The following CSRNP3 variants were observed in gnomAD, a reference collection of about 807,000 sequenced individuals.
CSRNP3 encodes cysteine and serine rich nuclear protein 3.
Under a neutral mutation model 48.0 loss-of-function variants are expected in CSRNP3, and 12 were observed. The observed-to-expected ratio is 0.25, with a 90% CI of 0.16 to 0.41. CSRNP3 has a LOEUF of 0.41. CSRNP3 is among the 10% of genes least tolerant of loss of function. CSRNP3 has a pLI of 1.00. For missense variants in CSRNP3, 580 were observed against 724.4 expected, an observed-to-expected ratio of 0.80 and a Z score of 2.29; for synonymous variants, 263 against 269.7, an observed-to-expected ratio of 0.98 and a Z score of 0.24.
Position 165,679,642 on chromosome 2 carries a change from T to C in CSRNP3, c.1647T>C (p.Gly549=). The C allele has an allele frequency of 6.2e-7, 1 of 1,614,152 alleles. No homozygotes were observed. The change falls in exon 7 of 7, where the codon GGT becomes GGC. Residue 549 remains glycine (G), a synonymous_variant. Transcript: ENST00000651982. ...AAGGGTTTGTCTCTGCATTGAATGG[T>C]GACAGTCACATTTCAGAGCATCCTG... is the stretch of plus-strand genomic sequence containing the variant. The part of the protein sequence containing the change: ...SQEGFVSALN[G]DSHISEHPAE...
chr2:165,562,324 T>C (rs1685245019), intron 3 of CSRNP3, among the ~76,000 whole-genome samples: 2 of 152,192 alleles, frequency 1.3e-5, no homozygotes, highest in African/African-American at 4.8e-5. Context: ...ATAATGATGA[T>C]TGGTGCTTGA....
rs576286654 is a variant in CSRNP3, at chr2:165,474,538, C to T, written c.-283+4798C>T. On this transcript the variant is annotated intron_variant, in intron 1 of 6. Coordinates refer to ENST00000651982, the MANE Select transcript of CSRNP3 (RefSeq NM_001172173.2). ...TATTGCCCTAGAAACATGGGACTGC[C>T]GTGTAGAGAGAATTTCTTCCTGGAT... Among the ~76,000 whole-genome samples the T allele has an allele frequency of 5.9e-5, 9 of 152,056 alleles. No individual in the cohort carries two copies. The East Asian group carries it at 1.2e-3, about 20-fold the overall frequency.
intron 3 of CSRNP3, among the ~76,000 whole-genome samples, chr2:165,540,021 T>C (rs1474430266): frequency 6.6e-6 from 1 of 152,206 alleles, no homozygotes; most frequent in Admixed American, 6.5e-5. Flanking sequence ...ATGCCAGTAG[T>C]GATTGACCTG....
chr2:165,614,356 T>G (rs1686194643), intron 4 of CSRNP3, among the ~76,000 whole-genome samples: 2 of 152,224 alleles, frequency 1.3e-5, no homozygotes, highest in South Asian at 4.1e-4. Context: ...TTTTTCTACA[T>G]ATAAAATCAT....
intron 3 of CSRNP3, among the ~76,000 whole-genome samples, chr2:165,545,430 G>A (rs539588287): frequency 3.9e-5 from 6 of 152,092 alleles, no homozygotes; most frequent in East Asian, 1.9e-4. Context: ...CAGTGTCCCC[G>A]AGCAGGCAAG....
intron 3 of CSRNP3, among the ~76,000 whole-genome samples, chr2:165,555,036 C>G (rs1232303167): frequency 6.6e-6 from 1 of 152,074 alleles, no homozygotes; most frequent in African/African-American, 2.4e-5. Flanking sequence ...TTCTGGAATT[C>G]TCTCTACCCC....
intron 2 of CSRNP3, among the ~76,000 whole-genome samples, chr2:165,516,916 A>G (rs145777277): frequency 6.6e-6 from 1 of 152,218 alleles, no homozygotes; most frequent in East Asian, 1.9e-4. Context: ...TGTTTGTTCA[A>G]ATTACAGCAG....
chr2:165,611,432 A>AT (rs1686136742), intron 4 of CSRNP3, among the ~76,000 whole-genome samples: 1 of 152,038 alleles, frequency 6.6e-6, no homozygotes, highest in South Asian at 2.1e-4. Context: ...GTTGTACATG[A>AT]TAAATACACA....
chr2:165,631,501 C>T lies in CSRNP3; in HGVS notation c.149-26260C>T, dbSNP rs140202335. ...TTATTCCATTGATATTCTGTAAGCT[C>T]TTATGGATGCCTTTATAGCAGCCAA... On this transcript the variant is annotated intron_variant, in intron 4 of 6. Transcript: ENST00000651982. 1.5e-3 allele frequency among the ~76,000 whole-genome samples: 234 copies of T among 152,248 alleles called. 1 individual carries two copies. The highest frequency in any genetic ancestry group is 5.8e-3 in the South Asian group (28 of 4,818).
intron 4 of CSRNP3, among the ~76,000 whole-genome samples, chr2:165,625,022 G>A (rs1372741967): frequency 6.6e-6 from 1 of 152,174 alleles, no homozygotes; most frequent in Non-Finnish European, 1.5e-5. Flanking sequence ...TGTGTTTTTA[G>A]AGAAGTCATG....
chr2:165,655,389 T>C (rs1686985970), intron 4 of CSRNP3, among the ~76,000 whole-genome samples: 1 of 152,198 alleles, frequency 6.6e-6, no homozygotes, highest in South Asian at 2.1e-4. Flanking sequence ...TTCCTAACAA[T>C]TGGGACATGA....
intron 4 of CSRNP3, among the ~76,000 whole-genome samples, chr2:165,628,618 G>A (rs918412695): frequency 1.3e-5 from 2 of 152,132 alleles, no homozygotes; most frequent in African/African-American, 2.4e-5. Context: ...CAGCTACTCC[G>A]GAGGCTGAGG....
intron 2 of CSRNP3, among the ~76,000 whole-genome samples, chr2:165,512,691 A>G (rs766428388): frequency 2.0e-5 from 3 of 152,264 alleles, no homozygotes; most frequent in Admixed American, 6.5e-5. Context: ...ATGGGCTGCA[A>G]TATTTTTGTT....
At chr2:165,631,644 C>T (rs1441732005) in intron 4 of CSRNP3, among the ~76,000 whole-genome samples, 1 of 152,188 alleles carries the variant, frequency 6.6e-6, no homozygotes, top group African/African-American at 2.4e-5. Flanking sequence ...ATAAGTTACA[C>T]AGATCAGTAA....
At chr2:165,604,684 A>G (rs1219529368) in intron 4 of CSRNP3, among the ~76,000 whole-genome samples, 1 of 152,218 alleles carries the variant, frequency 6.6e-6, no homozygotes, top group Non-Finnish European at 1.5e-5. Context: ...GATGCTGTGC[A>G]GCTATTTATG....
intron 4 of CSRNP3, among the ~76,000 whole-genome samples, chr2:165,615,887 GGT>G (rs1491495032): frequency 7.9e-6 from 1 of 126,678 alleles, no homozygotes; most frequent in African/African-American, 2.9e-5. Context: ...ATGTTTGTGG[GGT>G]TTTTTTTTTT....
intron 4 of CSRNP3, among the ~76,000 whole-genome samples, chr2:165,597,466 C>T (rs1184202756): frequency 1.3e-5 from 2 of 151,612 alleles, no homozygotes; most frequent in East Asian, 1.9e-4. Flanking sequence ...ACAACATATG[C>T]CAAAATACCA....
chr2:165,679,404 A>T lies in CSRNP3; in HGVS notation c.1409A>T (p.Tyr470Phe). The part of the protein sequence containing the change: ...VKNGTLSLVP[Y>F]TMTPEQFVDY... Reference sequence around the variant, plus strand: ...AATGGTACCCTTTCGCTGGTGCCTTACACCATGACCCCGGAGCAATTCGTT... The same window carrying T: ...AATGGTACCCTTTCGCTGGTGCCTTTCACCATGACCCCGGAGCAATTCGTT... The change falls in exon 7 of 7, where the codon TAC (tyrosine) becomes TTC (phenylalanine). Residue 470 changes from tyrosine to phenylalanine, a missense_variant. Tyr to Phe is a conservative substitution (Grantham distance 22). Coordinates refer to ENST00000651982, the MANE Select transcript of CSRNP3 (RefSeq NM_001172173.2). 1 of 1,613,214 alleles carries T rather than the reference A, an allele frequency of 6.2e-7. No individual in the cohort carries two copies. The highest frequency in any genetic ancestry group is 8.5e-7 in the Non-Finnish European group (1 of 1,179,586).
intron 3 of CSRNP3, chr2:165,572,604 A>G (rs1472001567): frequency 7.9e-5 from 12 of 152,206 alleles, no homozygotes; most frequent in Admixed American, 7.9e-4. Flanking sequence ...GATTTTATAA[A>G]TTACTCCAAC....
Sources: allele counts gnomAD v4.1 joint callset (sites outside exome capture counted in the v4.1 genomes callset), GRCh38; gene constraint gnomAD v4.1.1; transcripts MANE v1.5; gene names NCBI Gene and HGNC (gene_info 2026-07-23, HGNC 2026-07-21).